The following PCLO variants were observed in gnomAD, a reference collection of about 807,000 sequenced individuals.
PCLO encodes the protein protein piccolo.
PCLO carries 82 observed loss-of-function variants against 427.5 expected under a neutral mutation model. The observed-to-expected ratio is 0.19, with a 90% confidence interval of 0.16 to 0.23. PCLO has a LOEUF of 0.23. PCLO is among the 10% of genes least tolerant of loss of function. The pLI, the probability that PCLO is intolerant of heterozygous loss-of-function variation, is 1.00. For synonymous variants in PCLO, 2,357 were observed against 2,155.4 expected, an observed-to-expected ratio of 1.09 and a Z score of -2.59; for missense variants, 6,239 against 6,115.9, an observed-to-expected ratio of 1.02 and a Z score of -0.67.
intron 22 of PCLO, among the ~76,000 whole-genome samples, chr7:82,794,625 A>G (rs1652933735): frequency 6.6e-6 from 1 of 151,260 alleles, no homozygotes; most frequent in Admixed American, 6.6e-5. Context: ...GGCATGCGCT[A>G]CCATGCCCAG....
intron 9 of PCLO, among the ~76,000 whole-genome samples, chr7:82,898,582 A>G (rs1043620676): frequency 6.6e-6 from 1 of 151,398 alleles, no homozygotes; most frequent in African/African-American, 2.4e-5. Context: ...GCCATTTTCC[A>G]CCATAAAAGA....
intron 3 of PCLO, among the ~76,000 whole-genome samples, chr7:82,996,963 C>T (rs541699026): frequency 3.3e-5 from 5 of 152,026 alleles, no homozygotes; most frequent in African/African-American, 9.6e-5. Context: ...AAACTTTCAA[C>T]GGTACTGTTT....
At chr7:82,803,616 G>A (rs1447058507) in intron 21 of PCLO, among the ~76,000 whole-genome samples, 1 of 152,130 alleles carries the variant, frequency 6.6e-6, no homozygotes, top group Non-Finnish European at 1.5e-5. Flanking sequence ...GTCGTGTGAA[G>A]GATGTGGTTT....
chr7:83,045,232 G>C (rs1789075460), intron 3 of PCLO, among the ~76,000 whole-genome samples: 1 of 152,120 alleles, frequency 6.6e-6, no homozygotes. Flanking sequence ...ATGTCCTTTT[G>C]TAGAGAAAAG....
chr7:83,083,320 AG>A (rs2116406192), intron 3 of PCLO, among the ~76,000 whole-genome samples: 1 of 152,148 alleles, frequency 6.6e-6, no homozygotes, highest in South Asian at 2.1e-4. Flanking sequence ...ATGTTTGGAA[AG>A]CAATGTACAA....
chr7:82,860,573 T>C (rs1321054368), intron 10 of PCLO, among the ~76,000 whole-genome samples: 1 of 151,988 alleles, frequency 6.6e-6, no homozygotes, highest in Non-Finnish European at 1.5e-5. Flanking sequence ...TACACTTCAA[T>C]CACAAAGAAA....
At chr7:82,926,801 T>C (rs1466468814) in intron 6 of PCLO, among the ~76,000 whole-genome samples, 1 of 152,196 alleles carries the variant, frequency 6.6e-6, no homozygotes, top group Non-Finnish European at 1.5e-5. Context: ...CTAAAATCTG[T>C]ATAAAATATT....
At chr7:83,072,381 T>G (rs891669487) in intron 3 of PCLO, among the ~76,000 whole-genome samples, 1 of 152,200 alleles carries the variant, frequency 6.6e-6, no homozygotes, top group East Asian at 1.9e-4. Flanking sequence ...ATTTAAAAAA[T>G]AATATTATCC....
chr7:83,037,499 GTACTC>G (rs1788824960), intron 3 of PCLO, among the ~76,000 whole-genome samples: 2 of 151,854 alleles, frequency 1.3e-5, no homozygotes, highest in South Asian at 4.1e-4. Context: ...ATCAGAAAGT[GTACTC>G]TACTTTTTTC....
At chr7:82,786,827 G>T (rs897301824) in intron 22 of PCLO, among the ~76,000 whole-genome samples, 1 of 152,028 alleles carries the variant, frequency 6.6e-6, no homozygotes, top group Non-Finnish European at 1.5e-5. Context: ...ACTTATGAGT[G>T]AGAACATACG....
chr7:82,998,064 T>C (rs1461498961), intron 3 of PCLO, among the ~76,000 whole-genome samples: 1 of 151,824 alleles, frequency 6.6e-6, no homozygotes, highest in Non-Finnish European at 1.5e-5. Context: ...GAGAGACAGG[T>C]AGATACAGAG....
chr7:83,003,519 T>C (rs537346699), intron 3 of PCLO, among the ~76,000 whole-genome samples: 7 of 151,976 alleles, frequency 4.6e-5, no homozygotes, highest in Non-Finnish European at 7.4e-5. Context: ...GATGACTATG[T>C]CAATGGTTAA....
intron 3 of PCLO, among the ~76,000 whole-genome samples, chr7:83,039,700 A>G (rs925259990): frequency 6.6e-6 from 1 of 152,126 alleles, no homozygotes; most frequent in African/African-American, 2.4e-5. Context: ...TTCCATATAA[A>G]TTTTAAGATT....
chr7:82,844,633 TAAG>T (rs972795472), intron 13 of PCLO, among the ~76,000 whole-genome samples: 92 of 152,266 alleles, frequency 6.0e-4, no homozygotes, highest in African/African-American at 2.1e-3. Flanking sequence ...TAGTTTTTCT[TAAG>T]AATCAAATCT....
Position 82,826,679 on chromosome 7 carries a change from A to C in PCLO, c.14344-19T>G, listed in dbSNP as rs760779105. On this transcript the variant is annotated intron_variant, in intron 17 of 24. Coordinates refer to ENST00000333891, the MANE Select transcript of PCLO (RefSeq NM_033026.6). ...TCTTGAGCTATATAGTTCAAATAGA[A>C]ATCTAATTAAACCTATCTTTCCATC... 4.8e-6 allele frequency: 7 copies of C among 1,468,292 alleles called. No homozygotes were observed. The South Asian group carries it at 8.6e-5, about 18-fold the overall frequency. The allele number at this position is 1,468,292 out of a possible 1,614,324, so 91.0% of individuals were successfully genotyped here.
At chr7:83,106,438 G>A (rs35802600) in intron 3 of PCLO, among the ~76,000 whole-genome samples, 1 of 152,106 alleles carries the variant, frequency 6.6e-6, no homozygotes, top group East Asian at 1.9e-4. Context: ...CTCTGGCGAA[G>A]TAAATACTTT....
At chr7:82,767,131 C>T (rs1357693450) in intron 22 of PCLO, among the ~76,000 whole-genome samples, 1 of 149,030 alleles carries the variant, frequency 6.7e-6, no homozygotes, top group Non-Finnish European at 1.5e-5. Context: ...ACAAAACAAA[C>T]AAACAAACAA....
At position 82,822,580 on chromosome 7, in the gene PCLO, G is replaced by A. The variant is rs1791821737; in HGVS notation, c.14706C>T (p.Thr4902=). Residue 4902 remains threonine (T), a synonymous_variant, in exon 20 of 25, where the codon ACC becomes ACT. Transcript: ENST00000333891. ...CTTCCAGGTGGGTCTGAGTGACGCT[G>A]GTTTTGCTTTGACTGCGAGATGGTC... ...SHGPSRSQSK[T]SVTQTHLEDA... 6.2e-7 allele frequency: 1 copy of A among 1,613,858 alleles called. No homozygotes were observed. The highest frequency in any genetic ancestry group is 8.5e-7 in the Non-Finnish European group (1 of 1,179,854).
At position 83,078,811 on chromosome 7, in the gene PCLO, C is replaced by G. The variant is rs577700016; in HGVS notation, c.3300+55439G>C. Among the ~76,000 whole-genome samples, 7 of 152,202 alleles carry G rather than the reference C, an allele frequency of 4.6e-5. No individual in the cohort carries two copies. In the East Asian group the frequency reaches 1.4e-3, roughly 29 times the overall value. On this transcript the variant is annotated intron_variant, in intron 3 of 24. Transcript: ENST00000333891. ...TCGGCCTCCCAAAGTGCTGGGATAA[C>G]AGGCATGATCCAACCCACCTGGCCA...
Sources: allele counts gnomAD v4.1 joint callset (sites outside exome capture counted in the v4.1 genomes callset), GRCh38; gene constraint gnomAD v4.1.1; transcripts MANE v1.5; gene names NCBI Gene and HGNC (gene_info 2026-07-23, HGNC 2026-07-21).